Variants in CALCRL observed in about 807,000 individuals in gnomAD.
CALCRL encodes the protein calcitonin gene-related peptide type 1 receptor.
Under a neutral mutation model 60.4 loss-of-function variants are expected in CALCRL, and 27 were observed. That is an observed-to-expected ratio of 0.45 (90% confidence interval 0.33 to 0.62). The LOEUF is 0.62. Among genes scored for constraint, CALCRL ranks in the 20% least tolerant of loss-of-function variants. CALCRL has a pLI of 0.03. For missense variants in CALCRL, 424 were observed against 540.7 expected, an observed-to-expected ratio of 0.78 and a Z score of 2.14; for synonymous variants, 190 against 182.6, an observed-to-expected ratio of 1.04 and a Z score of -0.33.
chr2:187,401,752 A>G (rs1688896433), intron 1 of CALCRL, among the ~76,000 whole-genome samples: 1 of 151,662 alleles, frequency 6.6e-6, no homozygotes, highest in South Asian at 2.1e-4. Flanking sequence ...GTGATTTCTG[A>G]TATTTTAATT....
intron 1 of CALCRL, among the ~76,000 whole-genome samples, chr2:187,438,070 T>A (rs1319102259): frequency 6.6e-6 from 1 of 152,148 alleles, no homozygotes; most frequent in African/African-American, 2.4e-5. Context: ...AATAGTGACA[T>A]TTCTGGTAAA....
intron 14 of CALCRL, among the ~76,000 whole-genome samples, chr2:187,351,474 A>G (rs1686529061): frequency 6.6e-6 from 1 of 151,760 alleles, no homozygotes; most frequent in Non-Finnish European, 1.5e-5. Flanking sequence ...AATTTTTAAA[A>G]TCCTTTCGTA....
chr2:187,434,029 T>C (rs1452063707), intron 1 of CALCRL, among the ~76,000 whole-genome samples: 6 of 152,036 alleles, frequency 3.9e-5, no homozygotes. Flanking sequence ...AAAGAAGACA[T>C]ACACACCCTG....
At chr2:187,400,909 A>G (rs933988684) in intron 1 of CALCRL, among the ~76,000 whole-genome samples, 4 of 151,562 alleles carry the variant, frequency 2.6e-5, no homozygotes, top group African/African-American at 9.7e-5. Flanking sequence ...GTGATTGCTA[A>G]TGGGTACAGG....
chr2:187,365,950 A>G (rs976202309), intron 8 of CALCRL, among the ~76,000 whole-genome samples: 7 of 152,186 alleles, frequency 4.6e-5, no homozygotes, highest in Non-Finnish European at 7.3e-5. Flanking sequence ...TTACAGCTAG[A>G]TAAGAGGAAT....
intron 4 of CALCRL, among the ~76,000 whole-genome samples, chr2:187,383,662 T>C (rs1019416509): frequency 6.6e-6 from 1 of 152,138 alleles, no homozygotes; most frequent in African/African-American, 2.4e-5. Context: ...GCTCTATGAA[T>C]GAAGGCAAGA....
chr2:187,396,830 C>A (rs889090546), intron 1 of CALCRL, among the ~76,000 whole-genome samples: 2 of 151,602 alleles, frequency 1.3e-5, no homozygotes, highest in Non-Finnish European at 3.0e-5. Flanking sequence ...GTTAATGATA[C>A]AGTTTTTCTT....
intron 1 of CALCRL, among the ~76,000 whole-genome samples, chr2:187,420,920 T>C (rs1281046368): frequency 6.6e-6 from 1 of 152,218 alleles, no homozygotes; most frequent in Non-Finnish European, 1.5e-5. Context: ...AGAATTTCCT[T>C]TGAACACACT....
At position 187,352,035 on chromosome 2, in the gene CALCRL, G is replaced by A. The variant is rs1185685015; in HGVS notation, c.1129-74C>T. On this transcript the variant is annotated intron_variant, in intron 13 of 14. Transcript: ENST00000392370. ...TATTTGTAATCAAATAGCTGTACAA[G>A]TAGTCAGGAGTAAACCAAAGCTATA... 2.6e-6 allele frequency: 4 copies of A among 1,509,584 alleles called. No individual in the cohort carries two copies. The African/African-American group carries it at 4.1e-5, about 16-fold the overall frequency. The allele number at this position is 1,509,584 out of a possible 1,614,324, so 93.5% of individuals were successfully genotyped here.
chr2:187,414,441 G>A (rs571686391), intron 1 of CALCRL, among the ~76,000 whole-genome samples: 14 of 152,212 alleles, frequency 9.2e-5, no homozygotes, highest in East Asian at 1.9e-4. Flanking sequence ...ACGTCTTAAT[G>A]TAGGCAGCAG....
chr2:187,430,216 T>C (rs908588255), intron 1 of CALCRL, among the ~76,000 whole-genome samples: 1 of 152,034 alleles, frequency 6.6e-6, no homozygotes, highest in African/African-American at 2.4e-5. Flanking sequence ...AGAACAACAA[T>C]GATGAGTTCC....
rs1421034643 is a variant in CALCRL at position 187,423,897 on chromosome 2, A to G, written c.-293+24142T>C. Among the ~76,000 whole-genome samples the G allele has an allele frequency of 4.6e-5, 7 of 152,094 alleles. No homozygotes were observed. The South Asian group carries it at 8.3e-4, about 18-fold the overall frequency. On this transcript the variant is annotated intron_variant, in intron 1 of 14. Coordinates refer to ENST00000392370, the MANE Select transcript of CALCRL (RefSeq NM_005795.6). Reference sequence around the variant, plus strand: ...AATAAAAAACTGCAGCATGACCATAATTTTTTCTTTATAGATAAGGGGCTC... The same window carrying G: ...AATAAAAAACTGCAGCATGACCATAGTTTTTTCTTTATAGATAAGGGGCTC...
rs751281594 is a variant in CALCRL at position 187,383,295 on chromosome 2, G to A, written c.62C>T (p.Thr21Ile). 1.1e-5 allele frequency: 18 copies of A among 1,596,814 alleles called. No individual in the cohort carries two copies. The highest frequency in any genetic ancestry group is 1.8e-5 in the Admixed American group (1 of 55,914). Residue 21 changes from threonine (T) to isoleucine (I), a missense_variant, in exon 5 of 15, where the codon ACA (threonine) becomes ATA (isoleucine). Physicochemically the swap from Thr to Ile is moderately conservative, Grantham distance 89 (BLOSUM62 -1). Around this residue, in one of 7 missense-constraint regions of CALCRL, gnomAD observed 108 missense variants for 132.9 expected, o/e 0.81. Coordinates refer to ENST00000392370, the MANE Select transcript of CALCRL (RefSeq NM_005795.6). ...CTCAGGACTCTCTTCTAATTCTGCT[G>A]TAACAAGAATCTAAGGGATTAAAAA... is the stretch of plus-strand genomic sequence containing the variant. ...VLLPFFMILV[T>I]AELEESPEDS...
At chr2:187,384,694 G>A (rs760290179) in intron 4 of CALCRL, among the ~76,000 whole-genome samples, 10 of 151,920 alleles carry the variant, frequency 6.6e-5, no homozygotes, top group Admixed American at 3.9e-4. Flanking sequence ...TTTTTTTCTG[G>A]TTTAGGTTTT....
intron 5 of CALCRL, 105 bp from the exon 6 acceptor site, chr2:187,380,892 C>T: frequency 3.0e-6 from 2 of 674,430 alleles, no homozygotes; most frequent in South Asian, 5.1e-5. Flanking sequence ...AGGCTATCTA[C>T]TGAAAATGCA....
At chr2:187,432,379 G>C (rs1458770730) in intron 1 of CALCRL, among the ~76,000 whole-genome samples, 1 of 152,076 alleles carries the variant, frequency 6.6e-6, no homozygotes, top group Admixed American at 6.6e-5. Context: ...AAGTCATAAT[G>C]ACATTTGAAA....
rs575365822 is a variant in CALCRL, at chr2:187,345,689, A to AG, written c.*494_*495insC. 7.4e-5 allele frequency: 2 copies of AG among 27,186 alleles called. No individual in the cohort carries two copies. The highest frequency in any genetic ancestry group is 2.5e-4 in the Non-Finnish European group (2 of 8,154). The allele number at this position is 27,186 out of a possible 1,614,324, so 1.7% of individuals were successfully genotyped here. A position where few individuals can be genotyped will look rare whatever the true frequency, so the allele number is the denominator to read the frequency against. ...CAAAAAGGACTACGGCACTCTGGGC[A>AG]AAAAAAAAGTCAACTGCCCCAATCA... is the stretch of plus-strand genomic sequence containing the variant. On this transcript the variant is annotated 3_prime_UTR_variant, in exon 15 of 15. Coordinates refer to ENST00000392370, the MANE Select transcript of CALCRL (RefSeq NM_005795.6).
intron 1 of CALCRL, among the ~76,000 whole-genome samples, chr2:187,422,355 A>G (rs370521603): frequency 2.6e-5 from 4 of 152,294 alleles, no homozygotes; most frequent in African/African-American, 9.6e-5. Flanking sequence ...CCTGCTAACA[A>G]ATCCAGCTTC....
chr2:187,383,386 T>C (rs554783512), intron 4 of CALCRL, 81 bp from the exon 5 acceptor site: 4 of 1,220,340 alleles, frequency 3.3e-6, no homozygotes, highest in East Asian at 5.3e-5. Context: ...TCTGTCACAG[T>C]AGAAAACAGC....
Sources: allele counts gnomAD v4.1 joint callset (sites outside exome capture counted in the v4.1 genomes callset), GRCh38; gene constraint gnomAD v4.1.1; regional missense constraint gnomAD v4.1.1; transcripts MANE v1.5; gene names NCBI Gene and HGNC (gene_info 2026-07-23, HGNC 2026-07-21).